Variants in ZFP28 observed in about 807,000 individuals in gnomAD.
ZFP28 encodes the protein zinc finger protein 28 homolog.
ZFP28 carries 31 observed loss-of-function variants against 39.5 expected under a neutral mutation model. That is an observed-to-expected ratio of 0.79 (90% confidence interval 0.59 to 1.06). The LOEUF is 1.06. ZFP28 is among the 50% of genes least tolerant of loss of function. The pLI is 0.00. For synonymous variants in ZFP28, 400 were observed against 378.6 expected (o/e 1.06, Z -0.66); for missense variants, 925 against 1,048.4 (o/e 0.88, Z 1.63).
intron 2 of ZFP28, among the ~76,000 whole-genome samples, chr19:56,542,723 CATTTTTATACCTGA>C (rs2044206301): frequency 6.6e-6 from 1 of 152,002 alleles, no homozygotes; most frequent in Non-Finnish European, 1.5e-5. Flanking sequence ...TTAGAATAGT[CATTTTTATACCTGA>C]AAATGTGCTT....
chr19:56,555,216 A>G lies in ZFP28; in HGVS notation c.2431A>G (p.Arg811Gly), dbSNP rs199931256. Residue 811 changes from arginine (R) to glycine (G), a missense_variant, in exon 8 of 8, where the codon AGA becomes GGA. Transcript: ENST00000301318. ...ACATAAGAGAGTTCATACTGGAGAG[A>G]GATCTTATAACTATAAGAAAAGCAG... ...NQHKRVHTGERSYNYKKSRKV... is the reference protein window; with the variant it reads ...NQHKRVHTGEGSYNYKKSRKV... 1 of 1,614,214 alleles carries G rather than the reference A, an allele frequency of 6.2e-7. No individual in the cohort carries two copies. Among genetic ancestry groups the G allele is most frequent in the Admixed American group, 1.7e-5 (1 of 60,032 alleles).
chr19:56,541,590 C>A (rs2044195599), intron 2 of ZFP28, among the ~76,000 whole-genome samples: 1 of 152,184 alleles, frequency 6.6e-6, no homozygotes, highest in South Asian at 2.1e-4. Flanking sequence ...CCTACATGAC[C>A]TGGCTCCTTG....
chr19:56,542,735 T>C (rs144360093), intron 2 of ZFP28, among the ~76,000 whole-genome samples: 126 of 151,904 alleles, frequency 8.3e-4, no homozygotes, highest in African/African-American at 2.9e-3. Context: ...TTTTTATACC[T>C]GAAAATGTGC....
chr19:56,550,081 C>A lies in ZFP28; in HGVS notation c.702C>A (p.Ile234=). ...LFETQPGLVT[I]KNLAVDFRQQ... ...TACCATTGCAGGGCTTGGTGACTAT[C>A]AAAAACCTGGCTGTTGACTTCCGCC... Residue 234 remains isoleucine (I), a synonymous_variant, in exon 6 of 8, where the codon ATC becomes ATA. Coordinates refer to ENST00000301318, the MANE Select transcript of ZFP28 (RefSeq NM_020828.2). The A allele has an allele frequency of 1.2e-6, 2 of 1,611,564 alleles. No homozygotes were observed. The highest frequency in any genetic ancestry group is 1.1e-5 in the South Asian group (1 of 90,178).
Position 56,554,368 on chromosome 19 carries a change from C to T in ZFP28, c.1583C>T (p.Thr528Ile). ...IGLNQHRRIHTGEKPYKCDVC... is the reference protein window; with the variant it reads ...IGLNQHRRIHIGEKPYKCDVC... ...CTTAATCAACACAGGAGAATTCATA[C>T]TGGAGAGAAACCTTACAAATGTGAT... Residue 528 changes from threonine to isoleucine, a missense_variant, in exon 8 of 8, where the codon ACT becomes ATT. Around this residue, in one of 2 missense-constraint regions of ZFP28, gnomAD observed 369 missense variants for 505.5 expected, o/e 0.73. Transcript: ENST00000301318. This position sits in a 1 kb window ranked among gnomAD's most constrained non-coding sequence, Gnocchi z 6.7. 6.2e-7 allele frequency: 1 copy of T among 1,614,130 alleles called. No individual in the cohort carries two copies. The highest frequency in any genetic ancestry group is 8.5e-7 in the Non-Finnish European group (1 of 1,180,038).
Position 56,547,897 on chromosome 19 carries a change from G to A in ZFP28, c.518G>A (p.Cys173Tyr). Reference sequence around the variant, plus strand: ...AAGCGAAAGATGACAAGAGCCTGGTGCCCAGGTGAGTGTGGGAGAACCAGG... The same window carrying A: ...AAGCGAAAGATGACAAGAGCCTGGTACCCAGGTGAGTGTGGGAGAACCAGG... Reference protein sequence around the residue: ...TVKRKMTRAWCPDLKAVWKIK... With the variant: ...TVKRKMTRAWYPDLKAVWKIK... Residue 173 changes from cysteine (C) to tyrosine (Y), a missense_variant, in exon 4 of 8, where the codon TGC becomes TAC. Transcript: ENST00000301318. This position sits in a 1 kb window ranked among gnomAD's most constrained non-coding sequence, Gnocchi z 4.6. The A allele has an allele frequency of 6.2e-7, 1 of 1,614,154 alleles. No individual in the cohort carries two copies. Among genetic ancestry groups the A allele is most frequent in the Non-Finnish European group, 8.5e-7 (1 of 1,180,018 alleles).
At chr19:56,548,890 G>A (rs2044266871) in intron 4 of ZFP28, 68 bp from the exon 5 acceptor site, 3 of 1,446,374 alleles carry the variant, frequency 2.1e-6, no homozygotes, top group Non-Finnish European at 2.8e-6. Context: ...TTTAACGGTT[G>A]CATTTTGGAA....
At chr19:56,552,925 T>C (rs2044318240) in intron 7 of ZFP28, 1 of 152,190 alleles carries the variant, frequency 6.6e-6, no homozygotes, top group African/African-American at 2.4e-5. Context: ...ATTTACATAT[T>C]TTTATTATAG....
chr19:56,547,186 C>A lies in ZFP28; in HGVS notation c.301-322C>A. The A allele has an allele frequency of 3.8e-6, 1 of 261,646 alleles. No individual in the cohort carries two copies. 16.2% of individuals were successfully genotyped at this position (261,646 alleles called of 1,614,324 possible). On this transcript the variant is annotated intron_variant, in intron 2 of 7. Transcript: ENST00000301318. The surrounding 1 kb of genome is among the most constrained non-coding windows in gnomAD (Gnocchi z 4.6). ...CTGCAGGTTTGGTTTCACCTGAGGC[C>A]TCTCTCCTTGGCTTGCAGACGGCCG... is the stretch of plus-strand genomic sequence containing the variant.
chr19:56,540,243 C>T (rs910204049), intron 2 of ZFP28, among the ~76,000 whole-genome samples: 10 of 152,164 alleles, frequency 6.6e-5, no homozygotes, highest in African/African-American at 2.4e-4. Context: ...AAGGGTAGGC[C>T]TATTTACCAA....
At chr19:56,542,340 G>C (rs2044202476) in intron 2 of ZFP28, among the ~76,000 whole-genome samples, 1 of 152,042 alleles carries the variant, frequency 6.6e-6, no homozygotes, top group African/African-American at 2.4e-5. Flanking sequence ...TTTTTGTAGA[G>C]ATGGGGTTTT....
chr19:56,556,221 A>G lies in ZFP28; in HGVS notation c.*829A>G, dbSNP rs2044350159. The G allele has an allele frequency of 6.6e-6, 1 of 152,244 alleles. No individual in the cohort carries two copies. The highest frequency in any genetic ancestry group is 1.5e-5 in the Non-Finnish European group (1 of 68,036). The allele number at this position is 152,244 out of a possible 1,614,324, so 9.4% of individuals were successfully genotyped here. On this transcript the variant is annotated 3_prime_UTR_variant, in exon 8 of 8. Coordinates refer to ENST00000301318, the MANE Select transcript of ZFP28 (RefSeq NM_020828.2). ...AAAAAGTGAAAAGAATATTTTCAAC[A>G]TGAAAATTATATGAAATTTAAGTTT...
At chr19:56,550,995 C>T (rs2044296692) in intron 7 of ZFP28, 2 of 1,326,458 alleles carry the variant, frequency 1.5e-6, no homozygotes, top group Admixed American at 3.4e-5. Context: ...TGGGATTGAG[C>T]CACTCTGCTG....
chr19:56,543,636 A>G (rs933507035), intron 2 of ZFP28, among the ~76,000 whole-genome samples: 22 of 152,096 alleles, frequency 1.4e-4, no homozygotes, highest in African/African-American at 4.6e-4. Flanking sequence ...CTGTGCCTGT[A>G]TAATGTTTTC....
intron 1 of ZFP28, 151 bp from the exon 2 acceptor site, chr19:56,539,474 A>AG (rs1185109908): frequency 1.3e-6 from 1 of 749,288 alleles, no homozygotes; most frequent in African/African-American, 1.8e-5. Flanking sequence ...TCGTGCTCCC[A>AG]GGGAGGAAAA....
At chr19:56,539,542 T>C (rs2147945875) in intron 1 of ZFP28, 83 bp from the exon 2 acceptor site, 1 of 1,218,906 alleles carries the variant, frequency 8.2e-7, no homozygotes, top group South Asian at 1.3e-5. Flanking sequence ...ATCCCACCTT[T>C]TCATGCAGGA....
At position 56,547,735 on chromosome 19, in the gene ZFP28, G is replaced by A. The variant is rs140312095; in HGVS notation, c.428-72G>A. On this transcript the variant is annotated intron_variant, in intron 3 of 7. Transcript: ENST00000301318. The surrounding 1 kb of genome is among the most constrained non-coding windows in gnomAD (Gnocchi z 4.6). The stretch of plus-strand genomic sequence containing the variant: ...ACCCAGACCTGCACTGCCCTCTTGC[G>A]TCAAGCCAAGGGGACTGCATCTCAG... The A allele has an allele frequency of 1.6e-4, 261 of 1,600,956 alleles. 1 individual carries two copies. The highest frequency in any genetic ancestry group is 4.1e-4 in the Admixed American group (24 of 59,216).
chr19:56,553,077 A>G (rs935733584), intron 7 of ZFP28: 1 of 152,260 alleles, frequency 6.6e-6, no homozygotes, highest in Non-Finnish European at 1.5e-5. Context: ...CCTTAAATAT[A>G]TACAATTTTT....
intron 2 of ZFP28, among the ~76,000 whole-genome samples, chr19:56,543,040 ACAG>A (rs1210853357): frequency 6.6e-6 from 1 of 152,216 alleles, no homozygotes; most frequent in Non-Finnish European, 1.5e-5. Flanking sequence ...TTTGGATAGA[ACAG>A]CAGTGGTGCC....
Sources: allele counts gnomAD v4.1 joint callset (sites outside exome capture counted in the v4.1 genomes callset), GRCh38; gene constraint gnomAD v4.1.1; regional missense constraint gnomAD v4.1.1; non-coding constraint Gnocchi (gnomAD v3.1); transcripts MANE v1.5; gene names NCBI Gene and HGNC (gene_info 2026-07-23, HGNC 2026-07-21).